PPHLN1: variants seen among roughly 807,000 people sequenced by gnomAD.
PPHLN1 encodes the protein periphilin 1.
A neutral mutation model predicts 51.3 loss-of-function variants in PPHLN1; 29 were observed. That is an observed-to-expected ratio of 0.57 (90% confidence interval 0.42 to 0.77). PPHLN1 has a LOEUF of 0.77. Among genes scored for constraint, PPHLN1 ranks in the 30% least tolerant of loss-of-function variants. PPHLN1 has a pLI of 0.00. For missense variants in PPHLN1, 436 were observed against 438.4 expected (o/e 0.99, Z 0.05); for synonymous variants, 147 against 147.8 (o/e 0.99, Z 0.04).
intron 1 of PPHLN1, among the ~76,000 whole-genome samples, chr12:42,329,094 A>AT (rs775555753): frequency 5.5e-4 from 78 of 141,426 alleles, no homozygotes; most frequent in African/African-American, 1.8e-3. Flanking sequence ...TGGAATTTCA[A>AT]TTTTTTTTTT....
rs758418452 is a variant in PPHLN1 at position 42,374,871 on chromosome 12, G to A, written c.308G>A (p.Arg103Lys). ...TTTTTTTTTTTTCAAAGGGACATGA[G>A]AGATGGCTTTAGAAGAAAAAGTTTC... ...ASRQPEYRDMRDGFRRKSFYS... is the reference protein window; with the variant it reads ...ASRQPEYRDMKDGFRRKSFYS... Residue 103 changes from arginine to lysine, a missense_variant, in exon 5 of 10, where the codon AGA (arginine) becomes AAA (lysine). Coordinates refer to ENST00000358314, the MANE Select transcript of PPHLN1 (RefSeq NM_201439.2). 1.3e-5 allele frequency: 21 copies of A among 1,597,974 alleles called. No individual in the cohort carries two copies. Among genetic ancestry groups the A allele is most frequent in the East Asian group, 2.2e-5 (1 of 44,754 alleles).
At chr12:42,414,701 G>A (rs1360421588) in intron 9 of PPHLN1, among the ~76,000 whole-genome samples, 2 of 152,066 alleles carry the variant, frequency 1.3e-5, no homozygotes, top group Admixed American at 6.6e-5. Context: ...CGTTTTCTAG[G>A]TATATAGTCA....
intron 4 of PPHLN1, among the ~76,000 whole-genome samples, chr12:42,371,176 A>G (rs2075772064): frequency 8.1e-6 from 1 of 123,472 alleles, no homozygotes; most frequent in Non-Finnish European, 1.6e-5. Flanking sequence ...ACTGGAGTGC[A>G]GTGGCACGAT....
In PPHLN1 at chr12:42,432,293, C is replaced by G. The variant is rs576937180; in HGVS notation, c.910-9022C>G. The G allele has an allele frequency of 3.2e-5, 24 of 755,776 alleles. No individual in the cohort carries two copies. The East Asian group carries it at 5.6e-4, about 18-fold the overall frequency. 46.8% of individuals were successfully genotyped at this position (755,776 alleles called of 1,614,324 possible). A position where few individuals can be genotyped will look rare whatever the true frequency, so the allele number is the denominator to read the frequency against. ...ACCTCTGCCTCTTCCACTATGAGAC[C>G]TAGAACCAATCTGTTATGGCTGCTC... On this transcript the variant is annotated intron_variant, in intron 9 of 9. Transcript: ENST00000358314.
intron 9 of PPHLN1, among the ~76,000 whole-genome samples, chr12:42,439,484 TTAAAG>T (rs2082755473): frequency 6.6e-6 from 1 of 152,204 alleles, no homozygotes; most frequent in Non-Finnish European, 1.5e-5. Context: ...TACTGTAGCT[TTAAAG>T]TAAGGTGTGT....
Position 42,393,610 on chromosome 12 carries a change from C to T in PPHLN1, c.689C>T (p.Ala230Val). 6.2e-7 allele frequency: 1 copy of T among 1,610,080 alleles called. No homozygotes were observed. Among genetic ancestry groups the T allele is most frequent in the Non-Finnish European group, 8.5e-7 (1 of 1,178,462 alleles). Reference protein sequence around the residue: ...KPSRLTEKELAEAASKWAAEK... With the variant: ...KPSRLTEKELVEAASKWAAEK... ...AGTAGGCTAACTGAAAAGGAACTTG[C>T]TGAGGCTGCAAGCAAGTGGGCTGCT... The change falls in exon 8 of 10, where the codon GCT becomes GTT. Residue 230 changes from alanine (A) to valine (V), a missense_variant. Coordinates refer to ENST00000358314, the MANE Select transcript of PPHLN1 (RefSeq NM_201439.2).
chr12:42,378,592 T>TA (rs35199538), intron 5 of PPHLN1, among the ~76,000 whole-genome samples: 3 of 151,732 alleles, frequency 2.0e-5, no homozygotes, highest in South Asian at 2.1e-4. Flanking sequence ...ATGCCCTCAT[T>TA]AAAAAAAATT....
rs773846092 is a variant in PPHLN1 at position 42,438,540 on chromosome 12, G to A, written c.910-2775G>A. 3.3e-5 allele frequency among the ~76,000 whole-genome samples: 5 copies of A among 152,216 alleles called. No individual in the cohort carries two copies. The South Asian group carries it at 1.0e-3, about 32-fold the overall frequency. On this transcript the variant is annotated intron_variant, in intron 9 of 9. Transcript: ENST00000358314. ...CCATCTGAATGTCTGCTTTGGTGAG[G>A]TGTCATTCAGTTTTTTGCCTGTTTT...
Position 42,396,390 on chromosome 12 carries a change from G to C in PPHLN1, c.769-2464G>C, listed in dbSNP as rs73272039. On this transcript the variant is annotated intron_variant, in intron 8 of 9. Coordinates refer to ENST00000358314, the MANE Select transcript of PPHLN1 (RefSeq NM_201439.2). Reference sequence around the variant, plus strand: ...TCCACTTGTGTCAGACATTGCTTTTGAGGTACCATCCTAGCCATCAAGAAG... The same window carrying C: ...TCCACTTGTGTCAGACATTGCTTTTCAGGTACCATCCTAGCCATCAAGAAG... Among the ~76,000 whole-genome samples, 1,384 of 152,066 alleles carry C rather than the reference G, an allele frequency of 9.1e-3. 22 individuals carry two copies. The highest frequency in any genetic ancestry group is 0.031 in the African/African-American group (1,289 of 41,452).
intron 8 of PPHLN1, among the ~76,000 whole-genome samples, chr12:42,398,093 C>T (rs1467086971): frequency 2.0e-5 from 3 of 151,978 alleles, no homozygotes; most frequent in Non-Finnish European, 4.4e-5. Context: ...TGAGACAACT[C>T]CTTTGATAAT....
At chr12:42,367,871 A>C (rs2075420070) in intron 4 of PPHLN1, among the ~76,000 whole-genome samples, 1 of 152,142 alleles carries the variant, frequency 6.6e-6, no homozygotes, top group Non-Finnish European at 1.5e-5. Context: ...AGCAGCTGGG[A>C]CTACAGGTGT....
chr12:42,388,977 G>A (rs533214001), intron 7 of PPHLN1, among the ~76,000 whole-genome samples: 3 of 152,208 alleles, frequency 2.0e-5, no homozygotes, highest in South Asian at 4.2e-4. Flanking sequence ...GGTGGCTTAC[G>A]CCGGTAATCC....
intron 4 of PPHLN1, among the ~76,000 whole-genome samples, chr12:42,358,228 C>CT (rs1241359871): frequency 6.6e-6 from 1 of 152,052 alleles, no homozygotes; most frequent in Non-Finnish European, 1.5e-5. Flanking sequence ...CTTCCTGTCT[C>CT]TTTTTTATAA....
chr12:42,355,539 C>T (rs1021228354), intron 4 of PPHLN1: 1 of 181,484 alleles, frequency 5.5e-6, no homozygotes, highest in Non-Finnish European at 1.1e-5. Flanking sequence ...GAGTTTGATA[C>T]CAGCCTGGCC....
rs140410771 is a variant in PPHLN1, at chr12:42,379,560, A to G, written c.511+4486A>G. 4.3e-3 allele frequency among the ~76,000 whole-genome samples: 654 copies of G among 151,848 alleles called. 4 individuals carry two copies. Among genetic ancestry groups the G allele is most frequent in the African/African-American group, 0.015 (602 of 41,472 alleles). On this transcript the variant is annotated intron_variant, in intron 5 of 9. Coordinates refer to ENST00000358314, the MANE Select transcript of PPHLN1 (RefSeq NM_201439.2). ...TTCCTTCTGTTTCCTGTAATTTGTA[A>G]CACCAGAAGTGAATTTTTATTTTAG...
intron 2 of PPHLN1, among the ~76,000 whole-genome samples, chr12:42,345,411 A>T (rs574130807): frequency 1.3e-5 from 2 of 152,116 alleles, no homozygotes; most frequent in South Asian, 4.1e-4. Flanking sequence ...AATTATCATT[A>T]GATAGACCTT....
intron 2 of PPHLN1, among the ~76,000 whole-genome samples, chr12:42,350,606 AG>A (rs1202605384): frequency 6.6e-6 from 1 of 152,138 alleles, no homozygotes; most frequent in Non-Finnish European, 1.5e-5. Flanking sequence ...TGGGAGGCCA[AG>A]GCAGGCGGCT....
intron 2 of PPHLN1, among the ~76,000 whole-genome samples, chr12:42,338,374 G>T (rs1234601619): frequency 2.0e-5 from 3 of 152,158 alleles, no homozygotes; most frequent in Non-Finnish European, 4.4e-5. Context: ...ATTTAAGATT[G>T]TAAGATGAGT....
downstream of PPHLN1, chr12:42,442,854 A>C: frequency 6.7e-7 from 1 of 1,501,272 alleles, no homozygotes; most frequent in South Asian, 1.3e-5. Flanking sequence ...AAAAGTATTG[A>C]AACAACTGCT....
Sources: gnomAD v4.1 joint callset for allele counts (sites outside exome capture counted in the v4.1 genomes callset) on GRCh38, gnomAD v4.1.1 for gene constraint, MANE v1.5 for transcripts, NCBI Gene and HGNC (gene_info 2026-07-23, HGNC 2026-07-21) for gene names.